NFATC1: variants seen among roughly 807,000 people sequenced by gnomAD.
The protein encoded by NFATC1 is nuclear factor of activated T cells 1, also known as nuclear factor of activated T-cells, cytoplasmic 1.
In NFATC1, 22 loss-of-function variants were observed where a neutral mutation model predicts 76.0. The observed-to-expected ratio is 0.29, with a 90% CI of 0.21 to 0.41. NFATC1 has a LOEUF of 0.41. NFATC1 is among the 10% of genes least tolerant of loss of function. NFATC1 has a pLI of 1.00. For missense variants in NFATC1, 1,357 were observed against 1,337.7 expected, an observed-to-expected ratio of 1.01 and a Z score of -0.23; for synonymous variants, 704 against 613.1, an observed-to-expected ratio of 1.15 and a Z score of -2.19.
In NFATC1 at chr18:79,528,022, A is replaced by G. The variant is rs1286551295; in HGVS notation, c.*445A>G. ...TTTTAGGAGCAGAAACTGCAAACAC[A>G]TTTCATTGTGAGGTTTTACCCTCTG... On this transcript the variant is annotated 3_prime_UTR_variant, in exon 10 of 10. Coordinates refer to ENST00000427363, the MANE Select transcript of NFATC1 (RefSeq NM_001278669.2). 2.2e-5 allele frequency: 9 copies of G among 411,874 alleles called. No individual in the cohort carries two copies. Among genetic ancestry groups the G allele is most frequent in the Non-Finnish European group, 3.4e-5 (8 of 233,274 alleles). 25.5% of individuals were successfully genotyped at this position (411,874 alleles called of 1,614,324 possible). A position where few individuals can be genotyped will look rare whatever the true frequency, so the allele number is the denominator to read the frequency against.
rs755315179 is a variant in NFATC1, at chr18:79,467,510, G to A, written c.2020G>A (p.Val674Ile). The A allele has an allele frequency of 1.6e-5, 26 of 1,613,634 alleles. No individual in the cohort carries two copies. Among genetic ancestry groups the A allele is most frequent in the South Asian group, 5.5e-5 (5 of 91,062 alleles). The change falls in exon 8 of 10, where the codon GTC (valine) becomes ATC (isoleucine). Residue 674 changes from valine to isoleucine, a missense_variant. Around this residue, in one of 3 missense-constraint regions of NFATC1, gnomAD observed 424 missense variants for 395.4 expected, o/e 1.07. Transcript: ENST00000427363. ...RNQRITSPVH[V>I]SFYVCNGKRK... ...TCAGAGGATAACCAGCCCCGTTCAC[G>A]TCAGTTTCTACGTCTGCAACGGGAA...
chr18:79,403,823 C>T (rs1047905469), intron 1 of NFATC1, among the ~76,000 whole-genome samples: 2 of 152,254 alleles, frequency 1.3e-5, no homozygotes, highest in South Asian at 2.1e-4. Context: ...CCCAAGAGGG[C>T]CCGGGGTGTC....
intron 2 of NFATC1, among the ~76,000 whole-genome samples, chr18:79,419,107 TCG>T (rs1568936118): frequency 6.6e-6 from 1 of 152,174 alleles, no homozygotes; most frequent in Non-Finnish European, 1.5e-5. Flanking sequence ...TACTGCAGCC[TCG>T]ACCTCCTGGG....
chr18:79,400,692 A>C (rs1290228445), intron 1 of NFATC1, among the ~76,000 whole-genome samples: 1 of 150,468 alleles, frequency 6.6e-6, no homozygotes, highest in Non-Finnish European at 1.5e-5. Context: ...CTGGGGGAAG[A>C]GCGCAGCCCG....
intron 8 of NFATC1, chr18:79,470,160 C>A: frequency 3.9e-6 from 1 of 255,166 alleles, no homozygotes; most frequent in Non-Finnish European, 6.2e-6. Flanking sequence ...CAGATGGCTT[C>A]TGCCATGTGG....
chr18:79,469,274 A>G, intron 8 of NFATC1: 3 of 964,082 alleles, frequency 3.1e-6, no homozygotes, highest in Non-Finnish European at 3.7e-6. Context: ...CCTTATAGAG[A>G]AGGATTGCTT....
chr18:79,484,829 C>T (rs1029572175), intron 8 of NFATC1, among the ~76,000 whole-genome samples: 2 of 152,104 alleles, frequency 1.3e-5, no homozygotes, highest in African/African-American at 2.4e-5. Flanking sequence ...CCTGCCTTCA[C>T]GACCGCCGGG....
intron 8 of NFATC1, among the ~76,000 whole-genome samples, chr18:79,483,917 G>A (rs1359236021): frequency 4.1e-5 from 6 of 147,290 alleles, no homozygotes; most frequent in African/African-American, 1.5e-4. Flanking sequence ...CTGGTTCCTG[G>A]GGTGTCACTC....
At chr18:79,411,522 G>A (rs201480996) in intron 2 of NFATC1, 21 bp downstream of exon 2, 72 of 1,425,802 alleles carry the variant, frequency 5.0e-5, no homozygotes, top group African/African-American at 1.6e-4. Context: ...AGCGCGGGGC[G>A]GGACGGGGAG....
intron 9 of NFATC1, among the ~76,000 whole-genome samples, chr18:79,511,729 C>T (rs1042495656): frequency 2.0e-5 from 3 of 151,996 alleles, no homozygotes; most frequent in Non-Finnish European, 4.4e-5. Context: ...GAGCTGCCTG[C>T]GTGGTTTCGA....
chr18:79,411,897 C>T (rs1466483560), intron 2 of NFATC1, among the ~76,000 whole-genome samples: 9 of 152,338 alleles, frequency 5.9e-5, no homozygotes, highest in Admixed American at 3.9e-4. Flanking sequence ...CTCACACACG[C>T]GCAGTTTCTT....
At chr18:79,397,124 C>T (rs1427097692) in intron 1 of NFATC1, among the ~76,000 whole-genome samples, 1 of 152,176 alleles carries the variant, frequency 6.6e-6, no homozygotes, top group African/African-American at 2.4e-5. Flanking sequence ...ACATTCCAGT[C>T]CCCCACCTTA....
At chr18:79,431,499 A>G (rs1009053879) in intron 2 of NFATC1, among the ~76,000 whole-genome samples, 24 of 151,456 alleles carry the variant, frequency 1.6e-4, no homozygotes, top group African/African-American at 5.3e-4. Context: ...GATCCTCCCC[A>G]CTCAGCCTCC....
At position 79,412,312 on chromosome 18, in the gene NFATC1, C is replaced by T. The variant is rs1015204249; in HGVS notation, c.1226+811C>T. Among the ~76,000 whole-genome samples the T allele has an allele frequency of 8.5e-5, 13 of 152,226 alleles. 1 individual carries two copies. The highest frequency in any genetic ancestry group is 2.1e-4 in the South Asian group (1 of 4,836). ...TTTTTATCTGAGGCATGAAAACGTC[C>T]GTGCAGGAGGTCGAGGGCAGTGCCC... On this transcript the variant is annotated intron_variant, in intron 2 of 9. Coordinates refer to ENST00000427363, the MANE Select transcript of NFATC1 (RefSeq NM_001278669.2).
chr18:79,500,433 G>A (rs1007853103), intron 9 of NFATC1, among the ~76,000 whole-genome samples: 1 of 151,916 alleles, frequency 6.6e-6, no homozygotes, highest in African/African-American at 2.4e-5. Flanking sequence ...GCCTATATGA[G>A]GAATAAGATG....
intron 3 of NFATC1, among the ~76,000 whole-genome samples, chr18:79,442,581 G>A (rs1465754004): frequency 6.6e-6 from 1 of 152,252 alleles, no homozygotes; most frequent in Non-Finnish European, 1.5e-5. Flanking sequence ...AACAGGCCCT[G>A]GCAGCTCAGC....
chr18:79,487,011 G>C, intron 9 of NFATC1, 74 bp downstream of exon 9: 1 of 1,460,680 alleles, frequency 6.8e-7, no homozygotes, highest in Non-Finnish European at 9.2e-7. Flanking sequence ...GGCCGTGTGC[G>C]TGCTGCGTGT....
intron 2 of NFATC1, chr18:79,422,884 A>C (rs1353319414): frequency 1.3e-5 from 2 of 151,286 alleles, no homozygotes; most frequent in East Asian, 2.0e-4. Context: ...AACATTTGGG[A>C]GGAGGCCTAC....
intron 9 of NFATC1, chr18:79,496,266 G>A (rs778851611): frequency 2.8e-4 from 43 of 152,544 alleles, no homozygotes; most frequent in Non-Finnish European, 4.6e-4. Flanking sequence ...ATTTGAGAAC[G>A]AGTGTTCTTT....
Sources: allele counts gnomAD v4.1 joint callset (sites outside exome capture counted in the v4.1 genomes callset), GRCh38; gene constraint gnomAD v4.1.1; regional missense constraint gnomAD v4.1.1; transcripts MANE v1.5; gene names NCBI Gene and HGNC (gene_info 2026-07-23, HGNC 2026-07-21).